The following BMPER variants were observed in gnomAD, a reference collection of about 807,000 sequenced individuals.
The protein encoded by BMPER is BMP binding endothelial regulator.
A neutral mutation model predicts 87.3 loss-of-function variants in BMPER; 45 were observed. The ratio of observed to expected loss-of-function variants is 0.52; its 90% CI spans 0.41 to 0.66. The LOEUF (loss-of-function observed/expected upper bound fraction) is 0.66, where lower values mean the gene tolerates loss of function less well. Ranked by LOEUF, BMPER falls within the 30% of genes least tolerant of loss-of-function variation. The pLI is 0.00. For missense variants in BMPER, 784 were observed against 867.5 expected, an observed-to-expected ratio of 0.90 and a Z score of 1.21; for synonymous variants, 326 against 316.2, an observed-to-expected ratio of 1.03 and a Z score of -0.33.
intron 13 of BMPER, among the ~76,000 whole-genome samples, chr7:34,109,994 G>A (rs1230059133): frequency 5.9e-5 from 9 of 152,120 alleles, no homozygotes; most frequent in African/African-American, 1.9e-4. Flanking sequence ...TACAGCAAGG[G>A]GGGAAATGCC....
At chr7:33,937,224 G>A (rs901711490) in intron 2 of BMPER, 65 bp from the exon 3 acceptor site, 1 of 1,525,390 alleles carries the variant, frequency 6.6e-7, no homozygotes, top group Non-Finnish European at 9.1e-7. Context: ...CCTCTGTGGT[G>A]TGTTAGGATT....
At chr7:33,994,615 C>T (rs1393834457) in intron 6 of BMPER, among the ~76,000 whole-genome samples, 1 of 152,190 alleles carries the variant, frequency 6.6e-6, no homozygotes, top group Non-Finnish European at 1.5e-5. Context: ...TAGACCGGAG[C>T]TGTTCCTATT....
chr7:34,062,180 C>A, intron 11 of BMPER, 133 bp downstream of exon 11: 1 of 767,854 alleles, frequency 1.3e-6, no homozygotes, highest in Non-Finnish European at 2.2e-6. Flanking sequence ...CATCTCACCT[C>A]CCTACAGTCA....
chr7:33,989,223 G>C (rs1162312171), intron 6 of BMPER, among the ~76,000 whole-genome samples: 1 of 141,974 alleles, frequency 7.0e-6, no homozygotes, highest in African/African-American at 2.7e-5. Context: ...CTAGTTTACA[G>C]TCCCACCAAC....
At chr7:33,983,665 T>C (rs1785920260) in intron 6 of BMPER, among the ~76,000 whole-genome samples, 1 of 152,188 alleles carries the variant, frequency 6.6e-6, no homozygotes, top group Admixed American at 6.5e-5. Flanking sequence ...ACTGAAGCCA[T>C]AAACTGCCTG....
intron 3 of BMPER, among the ~76,000 whole-genome samples, chr7:33,954,990 C>T (rs966060858): frequency 4.6e-5 from 7 of 152,110 alleles, no homozygotes; most frequent in African/African-American, 1.2e-4. Context: ...CTCCGCCTGC[C>T]GGGTTCAAGC....
chr7:34,097,099 G>A (rs17751827), intron 13 of BMPER, among the ~76,000 whole-genome samples: 28,527 of 152,198 alleles, frequency 0.19, 3,255 homozygotes, highest in Middle Eastern at 0.25. Context: ...TATGAGAAAC[G>A]TACTCTGCCT....
intron 2 of BMPER, among the ~76,000 whole-genome samples, chr7:33,923,705 C>G (rs538307485): frequency 6.6e-6 from 1 of 152,338 alleles, no homozygotes; most frequent in East Asian, 1.9e-4. Flanking sequence ...GGGTCACTTA[C>G]AGTTGTTCAT....
At chr7:34,059,974 A>G (rs554366528) in intron 10 of BMPER, among the ~76,000 whole-genome samples, 1 of 152,242 alleles carries the variant, frequency 6.6e-6, no homozygotes, top group African/African-American at 2.4e-5. Context: ...GGACTGGGTC[A>G]TCAGGACACT....
rs182469329 is a variant in BMPER at position 33,963,250 on chromosome 7, A to G, written c.320-3229A>G. ...ATTGAGTTGTTCCTCCTGCTCCCAT[A>G]ATATACCTCTCAATGCAATTAAACC... On this transcript the variant is annotated intron_variant, in intron 3 of 14. Transcript: ENST00000649409. 2.0e-5 allele frequency among the ~76,000 whole-genome samples: 3 copies of G among 152,164 alleles called. No individual in the cohort carries two copies. The South Asian group carries it at 6.2e-4, about 32-fold the overall frequency.
chr7:34,120,985 T>G (rs1278583155), intron 13 of BMPER, among the ~76,000 whole-genome samples: 1 of 151,668 alleles, frequency 6.6e-6, no homozygotes, highest in Non-Finnish European at 1.5e-5. Flanking sequence ...AATGTTATAT[T>G]AACAATTAGC....
chr7:34,094,920 A>G (rs1019083048), intron 13 of BMPER, among the ~76,000 whole-genome samples: 1 of 152,224 alleles, frequency 6.6e-6, no homozygotes, highest in East Asian at 1.9e-4. Flanking sequence ...ATCTGGTGCC[A>G]GTACTTGAAG....
chr7:34,128,473 G>C (rs1212971137), intron 13 of BMPER, among the ~76,000 whole-genome samples: 2 of 152,164 alleles, frequency 1.3e-5, no homozygotes, highest in African/African-American at 2.4e-5. Context: ...GCCAAGTAGA[G>C]ATTTATTAAA....
chr7:34,124,099 A>T (rs973230055), intron 13 of BMPER, among the ~76,000 whole-genome samples: 2 of 152,136 alleles, frequency 1.3e-5, no homozygotes, highest in Non-Finnish European at 2.9e-5. Context: ...GCTCTCAAAC[A>T]TATTTAAATC....
chr7:34,129,610 A>AGAGAGAGAGAGAAAGAGAGAG (rs1790507400), intron 13 of BMPER, among the ~76,000 whole-genome samples: 1 of 69,642 alleles, frequency 1.4e-5, no homozygotes, highest in African/African-American at 5.7e-5. Flanking sequence ...GAGAGAGAGA[A>AGAGAGAGAGAGAAAGAGAGAG]AGAGAGAGAG....
chr7:34,076,828 C>T (rs1788877137), intron 11 of BMPER, among the ~76,000 whole-genome samples: 1 of 152,030 alleles, frequency 6.6e-6, no homozygotes, highest in Non-Finnish European at 1.5e-5. Flanking sequence ...TGTGCCTGCT[C>T]CCCACTGAGA....
chr7:33,931,424 A>G (rs1454359871), intron 2 of BMPER, among the ~76,000 whole-genome samples: 1 of 152,224 alleles, frequency 6.6e-6, no homozygotes, highest in Non-Finnish European at 1.5e-5. Context: ...GCAAATCTTA[A>G]GAAACCTGTG....
At chr7:34,076,466 C>A (rs1378737890) in intron 11 of BMPER, among the ~76,000 whole-genome samples, 1 of 152,008 alleles carries the variant, frequency 6.6e-6, no homozygotes, top group Non-Finnish European at 1.5e-5. Context: ...TAAAATTATC[C>A]TGTACATATA....
At chr7:33,920,580 C>T (rs1256758129) in intron 2 of BMPER, among the ~76,000 whole-genome samples, 2 of 151,884 alleles carry the variant, frequency 1.3e-5, no homozygotes, top group Non-Finnish European at 1.5e-5. Context: ...TGCACACCAC[C>T]ACGCCTGGCT....
Sources: allele counts gnomAD v4.1 joint callset (sites outside exome capture counted in the v4.1 genomes callset), GRCh38; gene constraint gnomAD v4.1.1; transcripts MANE v1.5; gene names NCBI Gene and HGNC (gene_info 2026-07-23, HGNC 2026-07-21).